The following GOLGA4 variants were observed in gnomAD, a reference collection of about 807,000 sequenced individuals.
The protein encoded by GOLGA4 is golgin A4, also known as golgin subfamily A member 4.
A neutral mutation model predicts 265.9 loss-of-function variants in GOLGA4; 169 were observed. The ratio of observed to expected loss-of-function variants is 0.64; its 90% CI spans 0.56 to 0.72. GOLGA4 has a LOEUF of 0.72. GOLGA4 is among the 30% of genes least tolerant of loss of function. GOLGA4 has a pLI of 0.00. For synonymous variants in GOLGA4, 923 were observed against 855.8 expected (o/e 1.08, Z -1.37); for missense variants, 2,482 against 2,483.4 (o/e 1.00, Z 0.01).
intron 2 of GOLGA4, among the ~76,000 whole-genome samples, chr3:37,272,548 A>AT (rs2096801565): frequency 6.6e-6 from 1 of 152,222 alleles, no homozygotes; most frequent in African/African-American, 2.4e-5. Flanking sequence ...GAAAAAAAGG[A>AT]TTAAAAAATT....
At chr3:37,362,555 A>G (rs112207042) in intron 23 of GOLGA4, among the ~76,000 whole-genome samples, 2 of 151,232 alleles carry the variant, frequency 1.3e-5, no homozygotes, top group African/African-American at 4.9e-5. Flanking sequence ...TTTTTTTTAA[A>G]AAATAAGTAA....
chr3:37,272,866 A>C (rs2096802565), intron 2 of GOLGA4, among the ~76,000 whole-genome samples: 2 of 152,184 alleles, frequency 1.3e-5, no homozygotes, highest in Admixed American at 6.5e-5. Context: ...TTATAAATGC[A>C]GTGTAGAATT....
chr3:37,286,338 A>G (rs1295013555), intron 4 of GOLGA4, among the ~76,000 whole-genome samples: 1 of 150,216 alleles, frequency 6.7e-6, no homozygotes, highest in Non-Finnish European at 1.5e-5. Flanking sequence ...TATTTTTAGT[A>G]GAGACGGGGT....
chr3:37,275,688 G>T, intron 2 of GOLGA4: 1 of 1,611,896 alleles, frequency 6.2e-7, no homozygotes, highest in Non-Finnish European at 8.5e-7. Flanking sequence ...AGACCTGCCG[G>T]AGCCATGGAG....
chr3:37,285,935 T>G lies in GOLGA4; in HGVS notation c.478-79T>G, dbSNP rs952793624. The stretch of plus-strand genomic sequence containing the variant: ...CTTCTAATTTATTTTTTGACTTTCA[T>G]AAAGAGAATTTTTTAGTGGACTTTA... On this transcript the variant is annotated intron_variant, in intron 3 of 23. Coordinates refer to ENST00000361924, the MANE Select transcript of GOLGA4 (RefSeq NM_002078.5). 6.1e-6 allele frequency: 5 copies of G among 825,708 alleles called. No homozygotes were observed. The African/African-American group carries it at 8.6e-5, about 14-fold the overall frequency. 51.1% of individuals were successfully genotyped at this position (825,708 alleles called of 1,614,324 possible).
At chr3:37,336,814 A>G (rs1278665394) in intron 17 of GOLGA4, among the ~76,000 whole-genome samples, 2 of 151,704 alleles carry the variant, frequency 1.3e-5, no homozygotes, top group Admixed American at 6.6e-5. Context: ...GAAAGAGAGA[A>G]AGAGAGAGAA....
chr3:37,361,105 C>T (rs933276790), intron 22 of GOLGA4, 138 bp from the exon 23 acceptor site: 14 of 662,382 alleles, frequency 2.1e-5, no homozygotes, highest in South Asian at 1.8e-4. Flanking sequence ...CTTGCCTGTA[C>T]ACCCTTGATT....
chr3:37,290,209 G>A (rs1283553700), intron 5 of GOLGA4, among the ~76,000 whole-genome samples: 9 of 152,024 alleles, frequency 5.9e-5, no homozygotes, highest in Admixed American at 1.3e-4. Context: ...TGTGGGAGGA[G>A]GCAAAGAAGA....
chr3:37,323,116 C>A (rs76367782), intron 13 of GOLGA4, among the ~76,000 whole-genome samples: 1 of 114,172 alleles, frequency 8.8e-6, no homozygotes. Context: ...TTCCTTTTGT[C>A]TTTTTTTTTT....
intron 12 of GOLGA4, chr3:37,320,482 C>T (rs948530822): frequency 6.6e-6 from 1 of 152,176 alleles, no homozygotes; most frequent in African/African-American, 2.4e-5. Context: ...AACAAGTTCT[C>T]TACCCAGCTC....
chr3:37,362,310 C>T (rs1165485340), intron 23 of GOLGA4, among the ~76,000 whole-genome samples: 36 of 147,390 alleles, frequency 2.4e-4, no homozygotes, highest in Non-Finnish European at 3.6e-4. Flanking sequence ...GATCTCGGCT[C>T]ACTGCAAGCT....
At chr3:37,258,052 T>C (rs3952310) in intron 2 of GOLGA4, among the ~76,000 whole-genome samples, 1 of 54,226 alleles carries the variant, frequency 1.8e-5, no homozygotes, top group Non-Finnish European at 4.7e-5. Context: ...CATACATATA[T>C]ATATGTATGT....
intron 1 of GOLGA4, among the ~76,000 whole-genome samples, chr3:37,244,844 C>T (rs1043812055): frequency 3.3e-5 from 5 of 152,074 alleles, no homozygotes; most frequent in African/African-American, 1.2e-4. Context: ...CTTTTCATAC[C>T]ATCTATTGCA....
At chr3:37,282,832 G>A (rs2096838419) in intron 3 of GOLGA4, among the ~76,000 whole-genome samples, 1 of 152,206 alleles carries the variant, frequency 6.6e-6, no homozygotes, top group African/African-American at 2.4e-5. Flanking sequence ...GAGGAAGGAA[G>A]TCAATGCTAG....
chr3:37,310,993 T>A (rs1373004245), intron 10 of GOLGA4, among the ~76,000 whole-genome samples: 2 of 152,200 alleles, frequency 1.3e-5, no homozygotes, highest in African/African-American at 4.8e-5. Context: ...TTGAACATAC[T>A]TTTTTAGTAC....
chr3:37,311,281 T>C (rs890288915), intron 10 of GOLGA4, among the ~76,000 whole-genome samples: 1 of 152,216 alleles, frequency 6.6e-6, no homozygotes, highest in East Asian at 1.9e-4. Flanking sequence ...ATATAAAATA[T>C]AAATGCCTTT....
chr3:37,275,693 A>G (rs1226369810), intron 2 of GOLGA4: 11 of 1,611,982 alleles, frequency 6.8e-6, no homozygotes, highest in African/African-American at 2.7e-5. Flanking sequence ...TGCCGGAGCC[A>G]TGGAGGACGA....
At chr3:37,277,856 G>A (rs1434727189) in intron 2 of GOLGA4, among the ~76,000 whole-genome samples, 1 of 151,882 alleles carries the variant, frequency 6.6e-6, no homozygotes, top group Non-Finnish European at 1.5e-5. Context: ...TCAGGCACCC[G>A]TAGAAAGACC....
intron 2 of GOLGA4, chr3:37,276,451 T>C: frequency 6.2e-7 from 1 of 1,610,968 alleles, no homozygotes; most frequent in South Asian, 1.1e-5. Context: ...TGGCCAAGAC[T>C]GGTGGGACCC....
Sources: allele counts gnomAD v4.1 joint callset (sites outside exome capture counted in the v4.1 genomes callset), GRCh38; gene constraint gnomAD v4.1.1; transcripts MANE v1.5; gene names NCBI Gene and HGNC (gene_info 2026-07-23, HGNC 2026-07-21).